MATCAP2: variants seen among roughly 807,000 people sequenced by gnomAD.
MATCAP2 encodes the protein putative tyrosine carboxypeptidase MATCAP2.
chr7:36,355,760 G>C, the MATCAP2 span: 1 of 151,510 alleles, frequency 6.6e-6, no homozygotes, highest in Non-Finnish European at 1.5e-5. Context: ...CAGATTTTCA[G>C]TCACTGACAA....
the MATCAP2 span, among the ~76,000 whole-genome samples, chr7:36,353,086 T>G: frequency 6.6e-6 from 1 of 151,866 alleles, no homozygotes; most frequent in Non-Finnish European, 1.5e-5. Context: ...CAAGACAGCA[T>G]AGTGAGACCC....
the MATCAP2 span, chr7:36,333,969 T>C: frequency 1.2e-6 from 2 of 1,614,110 alleles, no homozygotes; most frequent in Non-Finnish European, 8.5e-7. Flanking sequence ...AAAAGACATT[T>C]GGCTGGCTTG....
chr7:36,390,174 C>A, the MATCAP2 span: 1 of 1,518,308 alleles, frequency 6.6e-7, no homozygotes. Flanking sequence ...GCAGTGTGTG[C>A]GGGCCGGGGT....
At chr7:36,353,485 T>TG in the MATCAP2 span, among the ~76,000 whole-genome samples, 1 of 149,380 alleles carries the variant, frequency 6.7e-6, no homozygotes, top group African/African-American at 2.5e-5. Flanking sequence ...TATGCTCTTT[T>TG]TTTTTTTTTT....
the MATCAP2 span, among the ~76,000 whole-genome samples, chr7:36,352,549 C>T: frequency 2.0e-5 from 3 of 149,382 alleles, no homozygotes; most frequent in Non-Finnish European, 3.0e-5. Context: ...CAGTATGGGC[C>T]GGGCACGGTG....
chr7:36,371,668 G>T, the MATCAP2 span, among the ~76,000 whole-genome samples: 1 of 152,278 alleles, frequency 6.6e-6, no homozygotes, highest in Non-Finnish European at 1.5e-5. Flanking sequence ...TAAAGACCAA[G>T]AAAGAGGAAG....
the MATCAP2 span, among the ~76,000 whole-genome samples, chr7:36,362,742 A>G: frequency 1.2e-4 from 19 of 152,138 alleles, no homozygotes; most frequent in Non-Finnish European, 2.5e-4. Context: ...ATACTTCTTC[A>G]CATGCTGCTC....
the MATCAP2 span, among the ~76,000 whole-genome samples, chr7:36,371,846 C>T: frequency 0.016 from 2,356 of 151,992 alleles, 28 homozygotes; most frequent in South Asian, 0.028. Flanking sequence ...TGGGCTCAAG[C>T]GATCCTCCCA....
the MATCAP2 span, among the ~76,000 whole-genome samples, chr7:36,383,136 TAAGA>T: frequency 6.6e-6 from 1 of 152,186 alleles, no homozygotes; most frequent in Non-Finnish European, 1.5e-5. Flanking sequence ...TATGTGACAC[TAAGA>T]ATCATTAATA....
the MATCAP2 span, chr7:36,326,614 C>A: frequency 6.6e-6 from 4 of 606,844 alleles, no homozygotes; most frequent in Non-Finnish European, 1.1e-5. Context: ...CTGTACTTAA[C>A]CTAAAAATTC....
chr7:36,356,695 T>C, the MATCAP2 span: 1 of 606,778 alleles, frequency 1.6e-6, no homozygotes, highest in Non-Finnish European at 2.9e-6. Flanking sequence ...AGAGCCTATA[T>C]AACAGATTAT....
chr7:36,333,000 G>A, the MATCAP2 span, among the ~76,000 whole-genome samples: 1 of 152,054 alleles, frequency 6.6e-6, no homozygotes, highest in Non-Finnish European at 1.5e-5. Flanking sequence ...AAAGGCAGCA[G>A]CCCCACTAAG....
At chr7:36,389,798 C>T in the MATCAP2 span, 2 of 776,210 alleles carry the variant, frequency 2.6e-6, no homozygotes, top group Non-Finnish European at 4.0e-6. Flanking sequence ...GGCGCCCCGG[C>T]TCCGCCCAGC....
At chr7:36,354,335 G>C in the MATCAP2 span, among the ~76,000 whole-genome samples, 1 of 152,210 alleles carries the variant, frequency 6.6e-6, no homozygotes, top group Non-Finnish European at 1.5e-5. Context: ...GCACTGCCTC[G>C]GTTCCACTGT....
chr7:36,378,053 C>T, the MATCAP2 span, among the ~76,000 whole-genome samples: 25 of 152,208 alleles, frequency 1.6e-4, no homozygotes, highest in Non-Finnish European at 2.6e-4. Flanking sequence ...CGAACATCCT[C>T]CTTTAGCTTG....
At chr7:36,378,301 C>G in the MATCAP2 span, among the ~76,000 whole-genome samples, 2 of 152,216 alleles carry the variant, frequency 1.3e-5, no homozygotes, top group African/African-American at 4.8e-5. Flanking sequence ...GATGTCCTTT[C>G]TGTTTGTTAG....
the MATCAP2 span, chr7:36,336,142 C>T: frequency 1.2e-5 from 18 of 1,514,042 alleles, no homozygotes; most frequent in African/African-American, 1.2e-4. Context: ...TGTGTTCACT[C>T]GCAGTTCATA....
At chr7:36,354,223 T>C in the MATCAP2 span, among the ~76,000 whole-genome samples, 19 of 152,304 alleles carry the variant, frequency 1.2e-4, no homozygotes, top group Admixed American at 4.6e-4. Flanking sequence ...GTATGTCCTG[T>C]ATCACCTCAG....
the MATCAP2 span, chr7:36,390,046 T>A: frequency 6.2e-7 from 1 of 1,613,562 alleles, no homozygotes; most frequent in Non-Finnish European, 8.5e-7. Context: ...TTTACGGAGG[T>A]GAGTGAGTTT....
Sources: allele counts gnomAD v4.1 joint callset (sites outside exome capture counted in the v4.1 genomes callset), GRCh38; gene constraint gnomAD v4.1.1; transcripts MANE v1.5; gene names NCBI Gene and HGNC (gene_info 2026-07-23, HGNC 2026-07-21).